The following TRAK1 variants were observed in gnomAD, a reference collection of about 807,000 sequenced individuals.
TRAK1 encodes trafficking kinesin-binding protein 1.
TRAK1 carries 33 observed loss-of-function variants against 92.1 expected under a neutral mutation model. The observed-to-expected ratio is 0.36, with a 90% confidence interval of 0.27 to 0.48. TRAK1 has a LOEUF of 0.48. Ranked by LOEUF, TRAK1 falls within the 20% of genes least tolerant of loss-of-function variation. The pLI, the probability that TRAK1 is intolerant of heterozygous loss-of-function variation, is 0.99. For synonymous variants in TRAK1, 521 were observed against 517.3 expected, an observed-to-expected ratio of 1.01 and a Z score of -0.10; for missense variants, 1,123 against 1,257.9, an observed-to-expected ratio of 0.89 and a Z score of 1.62.
At chr3:42,120,308 G>A (rs981308883) in intron 1 of TRAK1, among the ~76,000 whole-genome samples, 2 of 152,122 alleles carry the variant, frequency 1.3e-5, no homozygotes, top group African/African-American at 4.8e-5. Context: ...CCCTTCATTT[G>A]TGACTTATTT....
intron 2 of TRAK1, among the ~76,000 whole-genome samples, chr3:42,153,256 T>A (rs973659858): frequency 1.3e-5 from 2 of 151,938 alleles, no homozygotes; most frequent in African/African-American, 4.8e-5. Flanking sequence ...ATAAAAACAT[T>A]AGCTGAATGT....
Position 42,097,459 on chromosome 3 carries a change from T to G in TRAK1, c.91+5899T>G, listed in dbSNP as rs116662630. On this transcript the variant is annotated intron_variant, in intron 1 of 15. Transcript: ENST00000327628. ...ACCCCTGGTATGAGCACATTTGCTCTTTGCCAGCTGAGGTGTATAAACGGC... is the reference window on the plus strand; with the variant it reads ...ACCCCTGGTATGAGCACATTTGCTCGTTGCCAGCTGAGGTGTATAAACGGC... 6.3e-3 allele frequency among the ~76,000 whole-genome samples: 955 copies of G among 152,296 alleles called. 8 individuals are homozygous for G. The highest frequency in any genetic ancestry group is 0.022 in the African/African-American group (900 of 41,552).
chr3:42,034,880 A>G (rs60842989), intron 1 of TRAK1, among the ~76,000 whole-genome samples: 28,740 of 151,006 alleles, frequency 0.19, 4,564 homozygotes, highest in African/African-American at 0.43. Flanking sequence ...AGCAGCACTT[A>G]GTCCATTAGC....
chr3:42,030,372 A>AAAATAT (rs540353037), intron 1 of TRAK1, among the ~76,000 whole-genome samples: 25,214 of 131,764 alleles, frequency 0.19, 3,021 homozygotes, highest in Non-Finnish European at 0.26. Context: ...TAAAAAAAAA[A>AAAATAT]ATATATATAT....
At chr3:42,096,997 A>G (rs1340323863) in intron 1 of TRAK1, among the ~76,000 whole-genome samples, 1 of 152,222 alleles carries the variant, frequency 6.6e-6, no homozygotes, top group African/African-American at 2.4e-5. Flanking sequence ...ACTGTTGCTT[A>G]TCTTTCCAAA....
At chr3:42,073,771 G>C (rs1437450121) in intron 1 of TRAK1, among the ~76,000 whole-genome samples, 1 of 152,170 alleles carries the variant, frequency 6.6e-6, no homozygotes, top group Non-Finnish European at 1.5e-5. Flanking sequence ...TATTTAAGGA[G>C]CTGACCCGGA....
chr3:42,116,995 C>G (rs1709249280), intron 1 of TRAK1, among the ~76,000 whole-genome samples: 1 of 152,060 alleles, frequency 6.6e-6, no homozygotes, highest in African/African-American at 2.4e-5. Context: ...ATCTGGCCCT[C>G]AGTATTCAAC....
intron 1 of TRAK1, among the ~76,000 whole-genome samples, chr3:42,122,940 T>C (rs1332247113): frequency 1.3e-5 from 2 of 152,128 alleles, no homozygotes; most frequent in African/African-American, 4.8e-5. Context: ...GAGTCCCCCC[T>C]CCAGGACTAA....
At chr3:42,144,156 A>T (rs939199068) in intron 2 of TRAK1, among the ~76,000 whole-genome samples, 1 of 152,088 alleles carries the variant, frequency 6.6e-6, no homozygotes, top group African/African-American at 2.4e-5. Flanking sequence ...GTGCCTTTGA[A>T]TCAGTTATGT....
chr3:42,205,334 G>A (rs548216613), intron 13 of TRAK1, among the ~76,000 whole-genome samples: 2 of 152,182 alleles, frequency 1.3e-5, no homozygotes, highest in Admixed American at 1.3e-4. Context: ...CCAGGTAAAT[G>A]TACCTGGGGT....
At chr3:42,213,219 G>C (rs1373504619) in intron 14 of TRAK1, among the ~76,000 whole-genome samples, 1 of 152,046 alleles carries the variant, frequency 6.6e-6, no homozygotes, top group Non-Finnish European at 1.5e-5. Context: ...CACCATTCCA[G>C]CTAATTTTTT....
chr3:42,127,086 G>A lies in TRAK1; in HGVS notation c.286+1472G>A, dbSNP rs556164261. On this transcript the variant is annotated intron_variant, in intron 2 of 15. Coordinates refer to ENST00000327628, the MANE Select transcript of TRAK1 (RefSeq NM_001042646.3). ...GCAAGTCATTTTGTTGATTCACAAC[G>A]TCTGTACCACCAAGGAGATATGTGG... Among the ~76,000 whole-genome samples the A allele has an allele frequency of 7.2e-5, 11 of 152,274 alleles. No homozygotes were observed. The South Asian group carries it at 1.4e-3, about 20-fold the overall frequency.
intron 14 of TRAK1, chr3:42,218,608 G>A: frequency 1.0e-6 from 1 of 985,014 alleles, no homozygotes; most frequent in Non-Finnish European, 1.2e-6. Context: ...TCTGTTCCTT[G>A]TTCCTTTGCC....
At chr3:42,112,248 C>T (rs1167434192) in intron 1 of TRAK1, among the ~76,000 whole-genome samples, 6 of 140,904 alleles carry the variant, frequency 4.3e-5, no homozygotes, top group African/African-American at 1.3e-4. Flanking sequence ...TTCAAGAGTT[C>T]GATACTAGCC....
At chr3:42,168,277 T>C (rs552133286) in intron 2 of TRAK1, among the ~76,000 whole-genome samples, 1 of 152,362 alleles carries the variant, frequency 6.6e-6, no homozygotes, top group East Asian at 1.9e-4. Context: ...GATAACATCA[T>C]TGTGGACCCA....
chr3:42,183,325 G>A (rs1056928240), intron 3 of TRAK1, among the ~76,000 whole-genome samples: 7 of 152,174 alleles, frequency 4.6e-5, no homozygotes, highest in Non-Finnish European at 7.4e-5. Context: ...GGAGGTCGAG[G>A]AGGGCGAATC....
chr3:42,044,057 ATTGT>A (rs1702664518), intron 1 of TRAK1, among the ~76,000 whole-genome samples: 1 of 152,166 alleles, frequency 6.6e-6, no homozygotes. Context: ...AAGGCACTGG[ATTGT>A]TTGATTTTGG....
upstream of TRAK1, chr3:42,013,769 T>G (rs2148870845): frequency 6.7e-6 from 1 of 148,298 alleles, no homozygotes; most frequent in East Asian, 2.0e-4. This position sits in a 1 kb window ranked among gnomAD's most constrained non-coding sequence, Gnocchi z 5.1. Flanking sequence ...CCCGAGCCCT[T>G]GACGCCCGCG....
At chr3:42,133,232 T>C (rs1697447493) in intron 2 of TRAK1, among the ~76,000 whole-genome samples, 1 of 152,200 alleles carries the variant, frequency 6.6e-6, no homozygotes, top group Admixed American at 6.5e-5. Flanking sequence ...ACCTGGCTCT[T>C]GGCTCTATCC....
Sources: gnomAD v4.1 joint callset for allele counts (sites outside exome capture counted in the v4.1 genomes callset) on GRCh38, gnomAD v4.1.1 for gene constraint, Gnocchi (gnomAD v3.1) non-coding constraint, MANE v1.5 for transcripts, NCBI Gene and HGNC (gene_info 2026-07-23, HGNC 2026-07-21) for gene names.